FRMD4B: variants seen among roughly 807,000 people sequenced by gnomAD.
The protein encoded by FRMD4B is FERM domain containing 4B.
Under a neutral mutation model 141.5 loss-of-function variants are expected in FRMD4B, and 74 were observed. The observed-to-expected ratio is 0.52, with a 90% CI of 0.43 to 0.63. The LOEUF (loss-of-function observed/expected upper bound fraction) is 0.63. Ranked by LOEUF, FRMD4B falls within the 30% of genes least tolerant of loss-of-function variation. FRMD4B has a pLI of 0.00. For missense variants in FRMD4B, 1,366 were observed against 1,253.4 expected (o/e 1.09, Z -1.36); for synonymous variants, 506 against 467.9 (o/e 1.08, Z -1.05).
At chr3:69,236,986 A>G (rs2093349272) in intron 7 of FRMD4B, among the ~76,000 whole-genome samples, 1 of 152,226 alleles carries the variant, frequency 6.6e-6, no homozygotes. Context: ...CCCAGACTAA[A>G]CTTAAAAGAG....
At chr3:69,420,010 C>A (rs1704942888) in intron 2 of FRMD4B, among the ~76,000 whole-genome samples, 1 of 152,176 alleles carries the variant, frequency 6.6e-6, no homozygotes, top group Non-Finnish European at 1.5e-5. Flanking sequence ...GCACCCACCA[C>A]CACGCCCAGC....
chr3:69,300,890 C>T (rs1160579230), intron 4 of FRMD4B, among the ~76,000 whole-genome samples: 1 of 152,126 alleles, frequency 6.6e-6, no homozygotes, highest in Admixed American at 6.5e-5. Context: ...TGCCCACCAC[C>T]AAGCCTGGCT....
At chr3:69,527,244 G>T (rs1314524911) in intron 1 of FRMD4B, among the ~76,000 whole-genome samples, 1 of 152,098 alleles carries the variant, frequency 6.6e-6, no homozygotes. Flanking sequence ...GGGAACTCAG[G>T]GACAAATAAA....
At chr3:69,175,562 G>A (rs530339239) in intron 22 of FRMD4B, among the ~76,000 whole-genome samples, 2 of 152,250 alleles carry the variant, frequency 1.3e-5, no homozygotes, top group Middle Eastern at 3.4e-3. Flanking sequence ...CCTACCAACT[G>A]TCTAAGGAAC....
chr3:69,202,950 C>T (rs1052143722), intron 11 of FRMD4B, among the ~76,000 whole-genome samples: 1 of 151,712 alleles, frequency 6.6e-6, no homozygotes, highest in Admixed American at 6.6e-5. Flanking sequence ...AGGTTACAAA[C>T]CTTATCTTAA....
In FRMD4B at chr3:69,325,075, TAAAAAA is replaced by T. The variant is rs112470737; in HGVS notation, c.163-11564_163-11559del. ...GCCTGGGCAACAGTGAGATACTGTC[TAAAAAA>T]AAAAAAAGAAAGAAAGAAAGAAAGA... On this transcript the variant is annotated intron_variant, in intron 1 of 22. Coordinates refer to ENST00000398540, the MANE Select transcript of FRMD4B (RefSeq NM_015123.3). 2.4e-4 allele frequency among the ~76,000 whole-genome samples: 29 copies of T among 119,844 alleles called. 1 individual carries two copies. Among genetic ancestry groups the T allele is most frequent in the African/African-American group, 8.7e-4 (28 of 32,182 alleles). 78.6% of individuals were successfully genotyped at this position (119,844 alleles called of 152,430 possible).
chr3:69,225,840 C>T (rs1036433851), intron 7 of FRMD4B, among the ~76,000 whole-genome samples: 6 of 151,242 alleles, frequency 4.0e-5, no homozygotes, highest in South Asian at 4.2e-4. Context: ...TTATCTAAAG[C>T]CTATTAGAGG....
rs577275162 is a variant in FRMD4B at position 69,215,284 on chromosome 3, C to CTTTTTTTTTTT, written c.876+968_876+978dup. On this transcript the variant is annotated intron_variant, in intron 11 of 22. Coordinates refer to ENST00000398540, the MANE Select transcript of FRMD4B (RefSeq NM_015123.3). Reference sequence around the variant, plus strand: ...TCCAAATCTGATAGATTGTGACCCTCTTTTTTTTTTTTTTTTTTTTTTTTT... The same window carrying CTTTTTTTTTTT: ...TCCAAATCTGATAGATTGTGACCCTCTTTTTTTTTTTTTTTTTTTTTTTTTTTTTTTTTTTT... Among the ~76,000 whole-genome samples, 78 of 45,224 alleles carry CTTTTTTTTTTT rather than the reference C, an allele frequency of 1.7e-3. 21 individuals are homozygous for CTTTTTTTTTTT. The highest frequency in any genetic ancestry group is 0.045 in the Middle Eastern group (2 of 44). The allele number at this position is 45,224 out of a possible 152,430, so 29.7% of individuals were successfully genotyped here. A position where few individuals can be genotyped will look rare whatever the true frequency, so the allele number is the denominator to read the frequency against.
chr3:69,243,444 A>T (rs893386120), intron 7 of FRMD4B, among the ~76,000 whole-genome samples: 1 of 152,212 alleles, frequency 6.6e-6, no homozygotes. Flanking sequence ...AGAGAATGGG[A>T]GACTAAATGT....
chr3:69,254,695 G>A (rs545642067), intron 5 of FRMD4B, among the ~76,000 whole-genome samples: 1 of 152,106 alleles, frequency 6.6e-6, no homozygotes. Context: ...GGCTGGGAAA[G>A]GTCTGATTTG....
intron 5 of FRMD4B, among the ~76,000 whole-genome samples, chr3:69,261,314 C>T (rs966181453): frequency 1.3e-5 from 2 of 152,178 alleles, no homozygotes; most frequent in Admixed American, 6.5e-5. Context: ...ACACTTATCA[C>T]GAGGGTCCAC....
At chr3:69,296,522 TAC>T (rs1182084924) in intron 4 of FRMD4B, among the ~76,000 whole-genome samples, 1 of 152,154 alleles carries the variant, frequency 6.6e-6, no homozygotes, top group East Asian at 1.9e-4. Flanking sequence ...TCATGGGTGA[TAC>T]TGAGGCAACT....
At chr3:69,540,477 G>A (rs1458653651) in intron 1 of FRMD4B, among the ~76,000 whole-genome samples, 1 of 150,442 alleles carries the variant, frequency 6.6e-6, no homozygotes, top group African/African-American at 2.4e-5. Context: ...AGCCAGGCGT[G>A]GTGGCATGCG....
intron 1 of FRMD4B, among the ~76,000 whole-genome samples, chr3:69,512,055 G>A (rs767298151): frequency 4.6e-5 from 7 of 152,138 alleles, no homozygotes; most frequent in Non-Finnish European, 8.8e-5. Context: ...CTCTGTCACA[G>A]GACAAAAGAA....
chr3:69,325,587 C>A (rs191500359), intron 1 of FRMD4B, among the ~76,000 whole-genome samples: 1 of 152,306 alleles, frequency 6.6e-6, no homozygotes, highest in East Asian at 1.9e-4. Context: ...CCCAGCCCTG[C>A]TATTTACCTA....
chr3:69,443,680 A>T (rs1705371059), intron 1 of FRMD4B, among the ~76,000 whole-genome samples: 1 of 152,240 alleles, frequency 6.6e-6, no homozygotes, highest in Non-Finnish European at 1.5e-5. Context: ...TTCCAGCAAC[A>T]CACACTTGCT....
At chr3:69,432,291 AT>A (rs1238983619) in intron 2 of FRMD4B, among the ~76,000 whole-genome samples, 1 of 152,202 alleles carries the variant, frequency 6.6e-6, no homozygotes, top group East Asian at 1.9e-4. Context: ...GTGTATAAAT[AT>A]TGGAAATATA....
At chr3:69,247,582 G>A (rs2093433486) in intron 7 of FRMD4B, among the ~76,000 whole-genome samples, 1 of 152,144 alleles carries the variant, frequency 6.6e-6, no homozygotes, top group African/African-American at 2.4e-5. Context: ...CGCCTCCCAG[G>A]TTCAAGCAAT....
chr3:69,437,264 G>T (rs1373985207), intron 1 of FRMD4B, among the ~76,000 whole-genome samples: 1 of 151,328 alleles, frequency 6.6e-6, no homozygotes, highest in African/African-American at 2.4e-5. Context: ...TAGAGATGAG[G>T]TCTCACTATG....
Sources: allele counts gnomAD v4.1 joint callset (sites outside exome capture counted in the v4.1 genomes callset), GRCh38; gene constraint gnomAD v4.1.1; transcripts MANE v1.5; gene names NCBI Gene and HGNC (gene_info 2026-07-23, HGNC 2026-07-21).